CPOX: variants seen among roughly 807,000 people sequenced by gnomAD.
The protein encoded by CPOX is coproporphyrinogen oxidase, also known as oxygen-dependent coproporphyrinogen-III oxidase, mitochondrial.
CPOX carries 24 observed loss-of-function variants against 48.9 expected under a neutral mutation model. The observed-to-expected ratio is 0.49, with a 90% CI of 0.36 to 0.69. CPOX has a LOEUF of 0.69. Ranked by LOEUF, CPOX falls within the 30% of genes least tolerant of loss-of-function variation. The pLI is 0.00. For missense variants in CPOX, 549 were observed against 597.3 expected, an observed-to-expected ratio of 0.92 and a Z score of 0.84; for synonymous variants, 249 against 234.6, an observed-to-expected ratio of 1.06 and a Z score of -0.56.
downstream of CPOX, among the ~76,000 whole-genome samples, chr3:98,575,521 C>T (rs918454169): frequency 3.9e-5 from 6 of 152,132 alleles, no homozygotes; most frequent in African/African-American, 1.2e-4. Context: ...GGCCGGGCAC[C>T]GTGGCTCATG....
chr3:98,593,209 G>C lies in CPOX; in HGVS notation c.296C>G (p.Ala99Gly). 9.4e-6 allele frequency: 15 copies of C among 1,589,810 alleles called. No individual in the cohort carries two copies. Among genetic ancestry groups the C allele is most frequent in the Non-Finnish European group, 1.3e-5 (15 of 1,168,686 alleles). The part of the protein sequence containing the change: ...ATAAFGHVQR[A>G]EMLPKTSGTR... ...CCCCGAGGTCTTAGGCAACATCTCC[G>C]CCCGCTGCACATGCCCGAAGGCGGC... The change falls in exon 1 of 7, where the codon GCG becomes GGG. Residue 99 changes from alanine (A) to glycine (G), a missense_variant. This residue lies in a region of CPOX where 336 missense variants were observed against 318.1 expected (regional missense o/e 1.06). Transcript: ENST00000647941.
Position 98,593,195 on chromosome 3 carries a change from T to C in CPOX, c.310A>G (p.Lys104Glu). 14 of 1,603,198 alleles carry C rather than the reference T, an allele frequency of 8.7e-6. No individual in the cohort carries two copies. The highest frequency in any genetic ancestry group is 1.2e-5 in the Non-Finnish European group (14 of 1,175,260). ...GHVQRAEMLP[K>E]TSGTRATSLG... ...GAAGTGGCCCGCGTCCCCGAGGTCT[T>C]AGGCAACATCTCCGCCCGCTGCACA... is the stretch of plus-strand genomic sequence containing the variant. Residue 104 changes from lysine (K) to glutamate (E), a missense_variant, in exon 1 of 7, where the codon AAG becomes GAG. Coordinates refer to ENST00000647941, the MANE Select transcript of CPOX (RefSeq NM_000097.7).
intron 5 of CPOX, among the ~76,000 whole-genome samples, chr3:98,583,264 T>C (rs1013769750): frequency 3.9e-5 from 6 of 152,172 alleles, no homozygotes; most frequent in African/African-American, 9.7e-5. Flanking sequence ...AATTTCCATC[T>C]CCTATTCCTG....
In CPOX at chr3:98,593,465, A is replaced by C; in HGVS notation, c.40T>G (p.Trp14Gly). ...QLGRLSSGPC[W>G]LVARGGCGGP... Reference sequence around the variant, plus strand: ...CCGCAGCCGCCCCGCGCCACGAGCCAGCAGGGGCCCGAGCTCAGCCTGCCC... The same window carrying C: ...CCGCAGCCGCCCCGCGCCACGAGCCCGCAGGGGCCCGAGCTCAGCCTGCCC... Residue 14 changes from tryptophan (W) to glycine (G), a missense_variant, in exon 1 of 7, where the codon TGG becomes GGG. This residue lies in a region of CPOX where 336 missense variants were observed against 318.1 expected (regional missense o/e 1.06). Transcript: ENST00000647941. 1 of 1,506,898 alleles carries C rather than the reference A, an allele frequency of 6.6e-7. No homozygotes were observed. Among genetic ancestry groups the C allele is most frequent in the Non-Finnish European group, 8.8e-7 (1 of 1,134,384 alleles). The allele number at this position is 1,506,898 out of a possible 1,614,324, so 93.3% of individuals were successfully genotyped here.
At chr3:98,581,048 T>G (rs1707249448) in intron 6 of CPOX, among the ~76,000 whole-genome samples, 1 of 152,110 alleles carries the variant, frequency 6.6e-6, no homozygotes, top group Admixed American at 6.6e-5. Context: ...TTTCATATAG[T>G]GTAGAAACTC....
At chr3:98,586,673 G>C (rs1026013093) in intron 4 of CPOX, among the ~76,000 whole-genome samples, 1 of 152,084 alleles carries the variant, frequency 6.6e-6, no homozygotes, top group Non-Finnish European at 1.5e-5. Context: ...GGCCGGACGC[G>C]GTGGCTGACG....
At position 98,580,177 on chromosome 3, in the gene CPOX, G is replaced by A. The variant is rs886058943; in HGVS notation, c.*506C>T. The A allele has an allele frequency of 7.0e-5, 69 of 984,854 alleles. No individual in the cohort carries two copies. Among genetic ancestry groups the A allele is most frequent in the Non-Finnish European group, 2.3e-5 (19 of 828,744 alleles). The allele number at this position is 984,854 out of a possible 1,614,324, so 61.0% of individuals were successfully genotyped here. On this transcript the variant is annotated 3_prime_UTR_variant, in exon 7 of 7. Transcript: ENST00000647941. ...GACAATATTATGTTCTCTGGAGAAA[G>A]ATATATAAGGATTACAGCAGAGACT...
chr3:98,584,787 G>C (rs944864548), intron 5 of CPOX, among the ~76,000 whole-genome samples: 2 of 152,166 alleles, frequency 1.3e-5, no homozygotes, highest in Non-Finnish European at 2.9e-5. Flanking sequence ...TCACTGCACA[G>C]AACAGGGTGG....
At chr3:98,591,237 T>C (rs1329739360) in intron 1 of CPOX, 82 bp from the exon 2 acceptor site, 2 of 1,447,370 alleles carry the variant, frequency 1.4e-6, no homozygotes, top group East Asian at 2.3e-5. Flanking sequence ...GATGGTTATT[T>C]TCCCGTTTCC....
In CPOX at chr3:98,593,070, C is replaced by T. The variant is rs1264989321; in HGVS notation, c.435G>A (p.Pro145=). 1 of 1,613,882 alleles carries T rather than the reference C, an allele frequency of 6.2e-7. No individual in the cohort carries two copies. Among genetic ancestry groups the T allele is most frequent in the African/African-American group, 1.3e-5 (1 of 75,042 alleles). Residue 145 remains proline, a synonymous_variant, in exon 1 of 7, where the codon CCG becomes CCA. Transcript: ENST00000647941. ...GCTCCATCTTGGTCTTCATGTCGCC[C>T]GGCCTCCTTCGCAGCTCGCCCAGGT... ...VTDLGELRRR[P]GDMKTKMELL... is the part of the protein sequence containing the mutation.
At chr3:98,586,427 A>G (rs1486450576) in intron 4 of CPOX, among the ~76,000 whole-genome samples, 1 of 152,204 alleles carries the variant, frequency 6.6e-6, no homozygotes, top group African/African-American at 2.4e-5. Context: ...AAAGGAAGGT[A>G]CTATAAACAA....
In CPOX at chr3:98,580,686, A is replaced by T; in HGVS notation, c.1362T>A (p.Arg454=). Residue 454 remains arginine (R), a synonymous_variant, in exon 7 of 7, where the codon CGT becomes CGA. Coordinates refer to ENST00000647941, the MANE Select transcript of CPOX (RefSeq NM_000097.7). Reference sequence around the variant, plus strand: ...CTGCACAGCCATTCTGCCTGCATCAACGCACCCAGTCCCTTGGATGGCGTA... The same window carrying T: ...CTGCACAGCCATTCTGCCTGCATCATCGCACCCAGTCCCTTGGATGGCGTA... The part of the protein sequence containing the change: ...EVLRHPRDWV[R] 3 of 1,614,204 alleles carry T rather than the reference A, an allele frequency of 1.9e-6. No homozygotes were observed. Among genetic ancestry groups the T allele is most frequent in the Non-Finnish European group, 2.5e-6 (3 of 1,180,022 alleles).
At chr3:98,582,779 C>T (rs1707282843) in intron 5 of CPOX, among the ~76,000 whole-genome samples, 1 of 152,290 alleles carries the variant, frequency 6.6e-6, no homozygotes, top group South Asian at 2.1e-4. Context: ...GCGTGAGCCA[C>T]CACGCCCGGC....
downstream of CPOX, among the ~76,000 whole-genome samples, chr3:98,575,568 G>A (rs529377708): frequency 2.1e-4 from 32 of 152,212 alleles, 1 homozygote; most frequent in East Asian, 1.2e-3. Flanking sequence ...CGAGGCAGGT[G>A]GATTACCTGA....
chr3:98,582,314 C>A (rs1053042495), intron 5 of CPOX, among the ~76,000 whole-genome samples: 2 of 152,110 alleles, frequency 1.3e-5, no homozygotes, highest in Non-Finnish European at 2.9e-5. Flanking sequence ...AGAATTTAGA[C>A]TGATTCATAA....
chr3:98,585,935 C>T (rs568556451), intron 4 of CPOX: 8 of 376,310 alleles, frequency 2.1e-5, no homozygotes, highest in Middle Eastern at 9.0e-4. Flanking sequence ...TGCAGTGGTG[C>T]GATCTTGAAT....
intron 5 of CPOX, among the ~76,000 whole-genome samples, 181 bp from the exon 6 acceptor site, chr3:98,581,692 G>A (rs1289272837): frequency 6.6e-6 from 1 of 152,128 alleles, no homozygotes; most frequent in Non-Finnish European, 1.5e-5. Context: ...AGAAATAAAA[G>A]GGTATTCTAC....
chr3:98,591,718 G>C (rs984404688), intron 1 of CPOX, among the ~76,000 whole-genome samples: 3 of 152,090 alleles, frequency 2.0e-5, no homozygotes, highest in African/African-American at 4.8e-5. Context: ...TAAGGTATTA[G>C]GGTCACTGCA....
intron 5 of CPOX, 91 bp from the exon 6 acceptor site, chr3:98,581,602 T>C: frequency 4.2e-6 from 4 of 957,282 alleles, no homozygotes; most frequent in South Asian, 4.0e-5. Context: ...GGTGGGTTCT[T>C]CCCCCCAGTT....
Sources: gnomAD v4.1 joint callset for allele counts (sites outside exome capture counted in the v4.1 genomes callset) on GRCh38, gnomAD v4.1.1 for gene constraint, gnomAD v4.1.1 regional missense constraint, MANE v1.5 for transcripts, NCBI Gene and HGNC (gene_info 2026-07-23, HGNC 2026-07-21) for gene names.